CD40LG: variants seen among roughly 807,000 people sequenced by gnomAD.
CD40LG encodes the protein CD40 ligand.
CD40LG carries 1 observed loss-of-function variant against 17.2 expected under a neutral mutation model. The ratio of observed to expected loss-of-function variants is 0.06; its 90% CI spans 0.02 to 0.28. The LOEUF (loss-of-function observed/expected upper bound fraction) is 0.28. Among genes scored for constraint, CD40LG ranks in the 10% least tolerant of loss-of-function variants. The probability of loss-of-function intolerance (pLI) is 1.00; values close to 1 mark genes in which losing one functional copy is unlikely to be tolerated. For missense variants in CD40LG, 133 were observed against 193.2 expected, an observed-to-expected ratio of 0.69 and a Z score of 1.85; for synonymous variants, 66 against 74.4, an observed-to-expected ratio of 0.89 and a Z score of 0.58.
chrX:136,659,920 A>ACCCCCCCCCCCCCCCCCCCC lies in CD40LG; in HGVS notation c.*521_*522insCCCCCCCCCCCCCCCCCCCC, dbSNP rs57066772. The ACCCCCCCCCCCCCCCCCCCC allele has an allele frequency of 1.1e-4, 2 of 18,644 alleles. No individual in the cohort carries two copies. The highest frequency in any genetic ancestry group is 3.5e-4 in the Non-Finnish European group (2 of 5,739). 1.5% of individuals were successfully genotyped at this position (18,644 alleles called of 1,213,427 possible). A position where few individuals can be genotyped will look rare whatever the true frequency, so the allele number is the denominator to read the frequency against. On this transcript the variant is annotated 3_prime_UTR_variant, in exon 5 of 5. Coordinates refer to ENST00000370629, the MANE Select transcript of CD40LG (RefSeq NM_000074.3). ...ACGTCTAACACAGTGGAGAACCGAAACCCCCCCCCCCCCCCCGCCACCCTC... is the reference window on the plus strand; with the variant it reads ...ACGTCTAACACAGTGGAGAACCGAAACCCCCCCCCCCCCCCCCCCCCCCCCCCCCCCCCCCCGCCACCCTC...
At chrX:136,656,440 C>T (rs772435984) in intron 4 of CD40LG, 22 bp downstream of exon 4, 21 of 1,161,080 alleles carry the variant, frequency 1.8e-5, no homozygotes, top group Admixed American at 6.6e-5. Flanking sequence ...AGCATCTGAG[C>T]GGTAGCCACC....
intron 2 of CD40LG, among the ~76,000 whole-genome samples, chrX:136,651,964 C>T (rs1468545040): frequency 9.0e-6 from 1 of 111,487 alleles, no homozygotes; most frequent in African/African-American, 3.3e-5. Context: ...CAATTCCTCA[C>T]GTCATTATTT....
chrX:136,659,578 G>C lies in CD40LG; in HGVS notation c.*163G>C. ...TCCAAGGCATGTAGAACTGTAATAA[G>C]TGAATTACAGGTCACATGAAACCAA... On this transcript the variant is annotated 3_prime_UTR_variant, in exon 5 of 5. Coordinates refer to ENST00000370629, the MANE Select transcript of CD40LG (RefSeq NM_000074.3). The C allele has an allele frequency of 1.8e-6, 1 of 544,166 alleles. No individual in the cohort carries two copies. Among genetic ancestry groups the C allele is most frequent in the Non-Finnish European group, 2.9e-6 (1 of 344,051 alleles). 44.8% of individuals were successfully genotyped at this position (544,166 alleles called of 1,213,427 possible).
rs751370607 is a variant in CD40LG at position 136,648,218 on chromosome X, C to G, written c.-31C>G. On this transcript the variant is annotated 5_prime_UTR_variant, in exon 1 of 5. Coordinates refer to ENST00000370629, the MANE Select transcript of CD40LG (RefSeq NM_000074.3). ...CATGCTGCCTCTGCCACCTTCTCTG[C>G]CAGAAGATACCATTTCAACTTTAAC... 13 of 1,159,358 alleles carry G rather than the reference C, an allele frequency of 1.1e-5. No homozygotes were observed. Among genetic ancestry groups the G allele is most frequent in the Non-Finnish European group, 1.5e-5 (13 of 848,369 alleles).
At chrX:136,649,596 C>A (rs1214306053) in intron 1 of CD40LG, among the ~76,000 whole-genome samples, 1 of 112,491 alleles carries the variant, frequency 8.9e-6, no homozygotes, top group Non-Finnish European at 1.9e-5. Flanking sequence ...TGCCAGCTAA[C>A]TGAATCTTGT....
Position 136,650,531 on chromosome X carries a change from G to A in CD40LG, c.288+134G>A, listed in dbSNP as rs1243788448. On this transcript the variant is annotated intron_variant, in intron 2 of 4. Transcript: ENST00000370629. Reference sequence around the variant, plus strand: ...CACAGACACACACACACATATATATGCATGCAGATATACACACATACATGG... The same window carrying A: ...CACAGACACACACACACATATATATACATGCAGATATACACACATACATGG... The A allele has an allele frequency of 5.4e-6, 3 of 555,789 alleles. No individual in the cohort carries two copies. In the Admixed American group the frequency reaches 7.8e-5, roughly 14 times the overall value. 45.8% of individuals were successfully genotyped at this position (555,789 alleles called of 1,213,427 possible).
intron 4 of CD40LG, among the ~76,000 whole-genome samples, chrX:136,657,417 A>AAG (rs1465415361): frequency 9.0e-6 from 1 of 111,514 alleles, no homozygotes; most frequent in Non-Finnish European, 1.9e-5. Context: ...GACCTTGAGC[A>AAG]AGACCCTTTA....
chrX:136,655,925 A>G (rs2076117834), intron 3 of CD40LG, among the ~76,000 whole-genome samples: 2 of 112,293 alleles, frequency 1.8e-5, no homozygotes, highest in Admixed American at 9.4e-5. Context: ...GCTTTAACAC[A>G]AGAAATAATT....
At chrX:136,652,993 C>A (rs1056010338) in intron 2 of CD40LG, among the ~76,000 whole-genome samples, 1 of 110,940 alleles carries the variant, frequency 9.0e-6, no homozygotes, top group Non-Finnish European at 1.9e-5. Context: ...CGAAAGTTCA[C>A]GGAAAGGCTA....
In CD40LG at chrX:136,659,889, T is replaced by A. The variant is rs1261735479; in HGVS notation, c.*474T>A. On this transcript the variant is annotated 3_prime_UTR_variant, in exon 5 of 5. Transcript: ENST00000370629. ...ATGGCCTTGTTGGAGGGGGCCAGGC[T>A]CTAGAACGTCTAACACAGTGGAGAA... 1.1e-5 allele frequency: 1 copy of A among 92,681 alleles called. No individual in the cohort carries two copies. The highest frequency in any genetic ancestry group is 2.1e-5 in the Non-Finnish European group (1 of 48,473). 7.6% of individuals were successfully genotyped at this position (92,681 alleles called of 1,213,427 possible). A position where few individuals can be genotyped will look rare whatever the true frequency, so the allele number is the denominator to read the frequency against.
At chrX:136,654,277 C>A in intron 2 of CD40LG, 96 bp from the exon 3 acceptor site, 1 of 643,107 alleles carries the variant, frequency 1.6e-6, no homozygotes, top group Non-Finnish European at 2.6e-6. Flanking sequence ...CAGAAACAGA[C>A]AACAGAGTAA....
In CD40LG at chrX:136,648,254, C is replaced by T. The variant is rs767236871; in HGVS notation, c.6C>T (p.Ile2=). The change falls in exon 1 of 5, where the codon ATC becomes ATT. Residue 2 remains isoleucine (I), a synonymous_variant. Transcript: ENST00000370629. ...CATTTCAACTTTAACACAGCATGAT[C>T]GAAACATACAACCAAACTTCTCCCC... M[I]ETYNQTSPRS... is the part of the protein sequence containing the mutation. 53 of 1,200,358 alleles carry T rather than the reference C, an allele frequency of 4.4e-5. No individual in the cohort carries two copies. The South Asian group carries it at 8.1e-4, about 18-fold the overall frequency.
intron 3 of CD40LG, among the ~76,000 whole-genome samples, chrX:136,656,062 T>A (rs1421346962): frequency 8.9e-6 from 1 of 112,151 alleles, no homozygotes; most frequent in Non-Finnish European, 1.9e-5. Flanking sequence ...AAAGCAAGAT[T>A]CACGGTATGT....
chrX:136,648,457 A>T, intron 1 of CD40LG, 53 bp downstream of exon 1: 1 of 1,090,828 alleles, frequency 9.2e-7, no homozygotes, highest in South Asian at 1.8e-5. Flanking sequence ...TTACTAATTC[A>T]TAGGTTGGTT....
chrX:136,652,102 A>G (rs751920744), intron 2 of CD40LG, among the ~76,000 whole-genome samples: 1 of 111,020 alleles, frequency 9.0e-6, no homozygotes, highest in Non-Finnish European at 1.9e-5. Flanking sequence ...TCATATTCTT[A>G]AAAGGCAGAT....
chrX:136,648,190 T>G lies in CD40LG; in HGVS notation c.-59T>G. On this transcript the variant is annotated 5_prime_UTR_variant, in exon 1 of 5. Coordinates refer to ENST00000370629, the MANE Select transcript of CD40LG (RefSeq NM_000074.3). ...AGTAAGGTGGCCACTTTGACAGTCT[T>G]CTCATGCTGCCTCTGCCACCTTCTC... 1.0e-6 allele frequency: 1 copy of G among 957,767 alleles called. No homozygotes were observed. Among genetic ancestry groups the G allele is most frequent in the Non-Finnish European group, 1.5e-6 (1 of 664,377 alleles). 78.9% of individuals were successfully genotyped at this position (957,767 alleles called of 1,213,427 possible). A position where few individuals can be genotyped will look rare whatever the true frequency, so the allele number is the denominator to read the frequency against.
intron 3 of CD40LG, among the ~76,000 whole-genome samples, chrX:136,655,576 G>A (rs1206665436): frequency 8.9e-6 from 1 of 111,984 alleles, no homozygotes; most frequent in Non-Finnish European, 1.9e-5. Context: ...GGCAAAGAGA[G>A]TACTCAGACC....
At position 136,659,271 on chromosome X, in the gene CD40LG, C is replaced by T. The variant is rs761216947; in HGVS notation, c.642C>T (p.Ser214=). The T allele has an allele frequency of 1.6e-5, 19 of 1,209,945 alleles. No individual in the cohort carries two copies. The highest frequency in any genetic ancestry group is 5.9e-5 in the East Asian group (2 of 33,779). ...ILLRAANTHS[S]AKPCGQQSIH... Reference sequence around the variant, plus strand: ...TCAGAGCTGCAAATACCCACAGTTCCGCCAAACCTTGCGGGCAACAATCCA... The same window carrying T: ...TCAGAGCTGCAAATACCCACAGTTCTGCCAAACCTTGCGGGCAACAATCCA... Residue 214 remains serine (S), a synonymous_variant, in exon 5 of 5, where the codon TCC becomes TCT. Coordinates refer to ENST00000370629, the MANE Select transcript of CD40LG (RefSeq NM_000074.3).
Position 136,648,216 on chromosome X carries a change from T to C in CD40LG, c.-33T>C. ...CTCATGCTGCCTCTGCCACCTTCTC[T>C]GCCAGAAGATACCATTTCAACTTTA... On this transcript the variant is annotated 5_prime_UTR_variant, in exon 1 of 5. Transcript: ENST00000370629. The C allele has an allele frequency of 1.7e-6, 2 of 1,151,729 alleles. No homozygotes were observed. Among genetic ancestry groups the C allele is most frequent in the South Asian group, 3.6e-5 (2 of 55,636 alleles). The allele number at this position is 1,151,729 out of a possible 1,213,427, so 94.9% of individuals were successfully genotyped here.
Sources: allele counts gnomAD v4.1 joint callset (sites outside exome capture counted in the v4.1 genomes callset), GRCh38; gene constraint gnomAD v4.1.1; transcripts MANE v1.5; gene names NCBI Gene and HGNC (gene_info 2026-07-23, HGNC 2026-07-21).